PSPC1: variants seen among roughly 807,000 people sequenced by gnomAD.
PSPC1 encodes paraspeckle protein 1.
PSPC1 carries 14 observed loss-of-function variants against 51.6 expected under a neutral mutation model. The observed-to-expected ratio is 0.27, with a 90% CI of 0.18 to 0.42. The LOEUF (loss-of-function observed/expected upper bound fraction) is 0.42, where lower values mean the gene tolerates loss of function less well. PSPC1 is among the 10% of genes least tolerant of loss of function. The probability of loss-of-function intolerance (pLI) is 1.00; values close to 1 mark genes in which losing one functional copy is unlikely to be tolerated. For missense variants in PSPC1, 406 were observed against 701.1 expected (o/e 0.58, Z 4.75); for synonymous variants, 193 against 231.9 (o/e 0.83, Z 1.53).
At chr13:19,674,921 A>G (rs977894182) in exon 8 of PSPC1, 11 of 152,210 alleles carry the variant, frequency 7.2e-5, no homozygotes, top group African/African-American at 2.7e-4. Flanking sequence ...CTTACACAGC[A>G]AAGTTGGGAT....
chr13:19,749,275 G>A (rs1023858681), intron 4 of PSPC1, among the ~76,000 whole-genome samples: 29 of 152,042 alleles, frequency 1.9e-4, no homozygotes, highest in Admixed American at 1.1e-3. Context: ...TTGAACCCCC[G>A]AGGTGGAGGT....
At chr13:19,683,217 C>G (rs1423054778) in intron 6 of PSPC1, among the ~76,000 whole-genome samples, 1 of 152,176 alleles carries the variant, frequency 6.6e-6, no homozygotes, top group Non-Finnish European at 1.5e-5. Context: ...CAAGAGTGTT[C>G]ATAGTAGCTT....
At chr13:19,711,174 C>A (rs1221981958) in intron 6 of PSPC1, among the ~76,000 whole-genome samples, 1 of 152,170 alleles carries the variant, frequency 6.6e-6, no homozygotes, top group Non-Finnish European at 1.5e-5. Flanking sequence ...CTAAAAATTT[C>A]TCATCATAAA....
intron 6 of PSPC1, among the ~76,000 whole-genome samples, chr13:19,686,865 G>A (rs1434899917): frequency 6.6e-6 from 1 of 152,070 alleles, no homozygotes; most frequent in African/African-American, 2.4e-5. Context: ...TAGGGTTTCC[G>A]TATTTCCTCA....
In PSPC1 at chr13:19,724,037, T is replaced by C. The variant is rs772606286; in HGVS notation, c.1158+6202A>G. On this transcript the variant is annotated intron_variant, in intron 6 of 8. Transcript: ENST00000338910. ...CCTTCAGCAAATAATTCTTTAGTTA[T>C]TTCCATAACTTAATGAAGAGGCCAT... is the stretch of plus-strand genomic sequence containing the variant. Among the ~76,000 whole-genome samples the C allele has an allele frequency of 3.3e-5, 5 of 152,212 alleles. No homozygotes were observed. In the South Asian group the frequency reaches 6.2e-4, roughly 19 times the overall value.
chr13:19,777,118 T>TAA (rs34432573), intron 1 of PSPC1, among the ~76,000 whole-genome samples: 58,052 of 87,000 alleles, frequency 0.67, 20,759 homozygotes, highest in East Asian at 0.86. Flanking sequence ...AGGCTCCATC[T>TAA]AAAAAAAAAA....
chr13:19,728,645 T>G (rs1277552931), intron 6 of PSPC1, among the ~76,000 whole-genome samples: 1 of 152,218 alleles, frequency 6.6e-6, no homozygotes, highest in African/African-American at 2.4e-5. Context: ...TTCATTCATA[T>G]TGCTTTTAGT....
chr13:19,739,244 A>G (rs1885165959), intron 5 of PSPC1, among the ~76,000 whole-genome samples: 1 of 152,176 alleles, frequency 6.6e-6, no homozygotes, highest in Non-Finnish European at 1.5e-5. Context: ...CATTTGTAAG[A>G]CAATTAGGTT....
intron 6 of PSPC1, among the ~76,000 whole-genome samples, chr13:19,685,534 C>A (rs994327295): frequency 3.9e-5 from 6 of 152,194 alleles, no homozygotes; most frequent in African/African-American, 1.4e-4. Flanking sequence ...CTTAACATCT[C>A]AGAAGGTCTG....
At chr13:19,707,384 A>G (rs185767149) in intron 7 of PSPC1, among the ~76,000 whole-genome samples, 6 of 152,340 alleles carry the variant, frequency 3.9e-5, no homozygotes, top group Admixed American at 2.6e-4. Context: ...TGATTACTAG[A>G]AAGGTAGCAT....
intron 8 of PSPC1, among the ~76,000 whole-genome samples, chr13:19,703,907 A>G (rs987000179): frequency 2.0e-5 from 3 of 152,230 alleles, no homozygotes; most frequent in African/African-American, 2.4e-5. Context: ...TCCTTGAAAG[A>G]TTATCATGGG....
At chr13:19,755,098 G>A (rs1030951791) in intron 3 of PSPC1, among the ~76,000 whole-genome samples, 1 of 152,002 alleles carries the variant, frequency 6.6e-6, no homozygotes, top group Non-Finnish European at 1.5e-5. Flanking sequence ...GACGGGCATG[G>A]TGGCCCACAT....
chr13:19,733,350 G>A lies in PSPC1; in HGVS notation c.1053-3006C>T, dbSNP rs148931663. On this transcript the variant is annotated intron_variant, in intron 5 of 8. Transcript: ENST00000338910. ...GCTTTTAAAAACCATTTTTATGGCC[G>A]AATTTGGTGGCTCACACCTGTAATC... Among the ~76,000 whole-genome samples the A allele has an allele frequency of 3.8e-3, 586 of 152,224 alleles. 4 individuals are homozygous for A. Among genetic ancestry groups the A allele is most frequent in the South Asian group, 8.3e-3 (40 of 4,814 alleles).
intron 7 of PSPC1, chr13:19,675,195 A>G (rs1305794294): frequency 6.6e-6 from 1 of 152,494 alleles, no homozygotes; most frequent in Non-Finnish European, 1.5e-5. Flanking sequence ...TTCTCCCAAC[A>G]GTGCCAGTTT....
intron 6 of PSPC1, among the ~76,000 whole-genome samples, chr13:19,695,538 C>CATTTA (rs1162426548): frequency 2.0e-5 from 3 of 152,102 alleles, no homozygotes; most frequent in Non-Finnish European, 4.4e-5. Context: ...AATCATCATG[C>CATTTA]ATAAATCTAC....
At chr13:19,699,227 C>G (rs188288697), downstream of PSPC1, among the ~76,000 whole-genome samples, 1 of 151,744 alleles carries the variant, frequency 6.6e-6, no homozygotes, top group African/African-American at 2.4e-5. Context: ...TTTGTAGAGA[C>G]GAGGTCTCAC....
intron 3 of PSPC1, among the ~76,000 whole-genome samples, chr13:19,758,787 T>C (rs1054323343): frequency 7.5e-5 from 11 of 146,858 alleles, no homozygotes; most frequent in African/African-American, 2.5e-4. Context: ...GTGAGCCGAG[T>C]TCACGCCACT....
At chr13:19,681,937 T>G (rs1877310281) in intron 6 of PSPC1, among the ~76,000 whole-genome samples, 1 of 152,158 alleles carries the variant, frequency 6.6e-6, no homozygotes, top group African/African-American at 2.4e-5. Context: ...AAGATTCTCT[T>G]TAAGCAACAA....
chr13:19,719,648 G>A (rs544415665), intron 6 of PSPC1, among the ~76,000 whole-genome samples: 13 of 152,116 alleles, frequency 8.5e-5, no homozygotes, highest in African/African-American at 2.7e-4. Flanking sequence ...TGAAAGCCTC[G>A]GTCAGGTAAT....
Sources: gnomAD v4.1 joint callset for allele counts (sites outside exome capture counted in the v4.1 genomes callset) on GRCh38, gnomAD v4.1.1 for gene constraint, MANE v1.5 for transcripts, NCBI Gene and HGNC (gene_info 2026-07-23, HGNC 2026-07-21) for gene names.